Variants in AP3B2 observed in about 807,000 individuals in gnomAD.
AP3B2 encodes AP-3 complex subunit beta-2.
In AP3B2, 50 loss-of-function variants were observed where a neutral mutation model predicts 126.9. The ratio of observed to expected loss-of-function variants is 0.39; its 90% CI spans 0.31 to 0.50. The LOEUF (loss-of-function observed/expected upper bound fraction) is 0.50, where lower values mean the gene tolerates loss of function less well. Among genes scored for constraint, AP3B2 ranks in the 20% least tolerant of loss-of-function variants. AP3B2 has a pLI of 0.79. For missense variants in AP3B2, 1,177 were observed against 1,426.4 expected (o/e 0.83, Z 2.82); for synonymous variants, 541 against 565.0 (o/e 0.96, Z 0.60).
At chr15:82,692,066 T>C (rs1332770503) in intron 1 of AP3B2, 4 of 1,491,466 alleles carry the variant, frequency 2.7e-6, no homozygotes, top group East Asian at 2.3e-5. Context: ...TCAGATCTTC[T>C]TGCAGAAGGC....
chr15:82,696,773 G>A (rs1263564412), intron 1 of AP3B2, among the ~76,000 whole-genome samples: 4 of 152,138 alleles, frequency 2.6e-5, no homozygotes, highest in Admixed American at 2.0e-4. Flanking sequence ...TGAACAATGT[G>A]GCTAACCATA....
Position 82,709,660 on chromosome 15 carries a change from C to T in AP3B2, c.47G>A (p.Gly16Asp). The T allele has an allele frequency of 6.6e-7, 1 of 1,512,414 alleles. No homozygotes were observed. Among genetic ancestry groups the T allele is most frequent in the South Asian group, 1.2e-5 (1 of 81,076 alleles). 93.7% of individuals were successfully genotyped at this position (1,512,414 alleles called of 1,614,324 possible). ...AYSEDKGGSAGPGEPEYGHDP... is the reference protein window; with the variant it reads ...AYSEDKGGSADPGEPEYGHDP... Reference sequence around the variant, plus strand: ...GTGGCCGTACTCGGGCTCCCCGGGGCCAGCGGAGCCGCCCTTGTCTTCGCT... The same window carrying T: ...GTGGCCGTACTCGGGCTCCCCGGGGTCAGCGGAGCCGCCCTTGTCTTCGCT... The change falls in exon 1 of 27, where the codon GGC (glycine) becomes GAC (aspartate). Residue 16 changes from glycine to aspartate, a missense_variant. Around this residue, in one of 5 missense-constraint regions of AP3B2, gnomAD observed 49 missense variants for 39.3 expected, o/e 1.25. Transcript: ENST00000535359.
intron 2 of AP3B2, 53 bp downstream of exon 2, chr15:82,689,325 C>T: frequency 1.2e-6 from 2 of 1,612,216 alleles, no homozygotes; most frequent in South Asian, 1.1e-5. Flanking sequence ...AGGAGAGCTG[C>T]TCTTGGCCAC....
intron 1 of AP3B2, among the ~76,000 whole-genome samples, chr15:82,705,755 A>C (rs1237727201): frequency 6.6e-6 from 1 of 152,082 alleles, no homozygotes; most frequent in Non-Finnish European, 1.5e-5. Flanking sequence ...CCGAACCCCA[A>C]TCCCTTCTAC....
chr15:82,670,119 G>C (rs1035019534), intron 14 of AP3B2, among the ~76,000 whole-genome samples: 1 of 135,552 alleles, frequency 7.4e-6, no homozygotes, highest in Non-Finnish European at 1.6e-5. Flanking sequence ...TTTTGGCGGG[G>C]GGGGACGAAG....
chr15:82,664,432 C>G lies in AP3B2; in HGVS notation c.2196G>C (p.Glu732Asp). The G allele has an allele frequency of 1.9e-6, 3 of 1,613,988 alleles. No individual in the cohort carries two copies. Among genetic ancestry groups the G allele is most frequent in the Non-Finnish European group, 2.5e-6 (3 of 1,179,880 alleles). The part of the protein sequence containing the change: ...SKSSSESGSG[E>D]SSSESDNEDQ... The stretch of plus-strand genomic sequence containing the variant: ...CTTCATTGTCGGACTCACTGCTGGA[C>G]TCCCCAGAGCCGCTCTCACTGCTGC... Residue 732 changes from glutamate to aspartate, a missense_variant, in exon 19 of 27, where the codon GAG becomes GAC. By Grantham distance (45) the Glu-to-Asp change is conservative. Around this residue, in one of 5 missense-constraint regions of AP3B2, gnomAD observed 587 missense variants for 571.3 expected, o/e 1.03. Transcript: ENST00000535359. This position sits in a 1 kb window ranked among gnomAD's most constrained non-coding sequence, Gnocchi z 4.5.
At chr15:82,675,627 C>T (rs1043926506) in intron 14 of AP3B2, among the ~76,000 whole-genome samples, 1 of 152,200 alleles carries the variant, frequency 6.6e-6, no homozygotes, top group African/African-American at 2.4e-5. Flanking sequence ...GTGGGCAATA[C>T]AGTCTGTTGC....
chr15:82,682,197 G>A (rs1449121006), intron 4 of AP3B2, among the ~76,000 whole-genome samples: 2 of 151,552 alleles, frequency 1.3e-5, no homozygotes, highest in South Asian at 2.1e-4. Context: ...GACTACAGGC[G>A]CGCACCACCA....
intron 1 of AP3B2, chr15:82,692,169 C>T: frequency 6.8e-7 from 1 of 1,479,076 alleles, no homozygotes; most frequent in Non-Finnish European, 9.3e-7. Context: ...ATAACTATTT[C>T]TTCCATAAAT....
chr15:82,699,857 G>A (rs2048690944), intron 1 of AP3B2: 2 of 399,732 alleles, frequency 5.0e-6, no homozygotes, highest in South Asian at 1.3e-4. Flanking sequence ...GCCCCCGGGA[G>A]CTGCAGGAAT....
At chr15:82,688,582 G>T in intron 4 of AP3B2, 154 bp downstream of exon 4, 1 of 742,164 alleles carries the variant, frequency 1.3e-6, no homozygotes, top group Non-Finnish European at 2.4e-6. Flanking sequence ...TGAGGGTCTG[G>T]CTGGCCTCTT....
intron 4 of AP3B2, among the ~76,000 whole-genome samples, chr15:82,683,047 GTTTTTTTTTTTTT>G (rs61213011): frequency 1.4e-4 from 11 of 77,716 alleles, no homozygotes; most frequent in Admixed American, 5.3e-4. Flanking sequence ...TGCACCAGGA[GTTTTTTTTTTTTT>G]TTTTTTTTTT....
Position 82,665,075 on chromosome 15 carries a change from G to T in AP3B2, c.2029-132C>A. The T allele has an allele frequency of 9.7e-7, 1 of 1,032,874 alleles. No individual in the cohort carries two copies. The highest frequency in any genetic ancestry group is 1.4e-6 in the Non-Finnish European group (1 of 694,742). 64.0% of individuals were successfully genotyped at this position (1,032,874 alleles called of 1,614,324 possible). ...TCTGTCCCACAAAGGGAATAACAGAGGAGGAAGAAAGGGGCACTGTCCATG... is the reference window on the plus strand; with the variant it reads ...TCTGTCCCACAAAGGGAATAACAGATGAGGAAGAAAGGGGCACTGTCCATG... On this transcript the variant is annotated intron_variant, in intron 17 of 26. Coordinates refer to ENST00000535359, the MANE Select transcript of AP3B2 (RefSeq NM_001278512.2). The surrounding 1 kb of genome is among the most constrained non-coding windows in gnomAD (Gnocchi z 4.4).
At chr15:82,693,636 AGGAAG>A (rs1463555336) in intron 1 of AP3B2, among the ~76,000 whole-genome samples, 1 of 108,552 alleles carries the variant, frequency 9.2e-6, no homozygotes, top group Non-Finnish European at 2.3e-5. Flanking sequence ...ATACAAAAGA[AGGAAG>A]GGAAGATTTT....
intron 14 of AP3B2, among the ~76,000 whole-genome samples, chr15:82,672,551 A>G (rs2048175286): frequency 6.6e-6 from 1 of 152,184 alleles, no homozygotes; most frequent in African/African-American, 2.4e-5. Context: ...TTGACAGCAC[A>G]ACAGGGTGAC....
At chr15:82,700,370 T>C (rs894761932) in intron 1 of AP3B2, among the ~76,000 whole-genome samples, 33 of 137,146 alleles carry the variant, frequency 2.4e-4, no homozygotes, top group Non-Finnish European at 4.8e-4. Context: ...TGGTCTCCAA[T>C]GCCACTGGCC....
chr15:82,686,512 TG>T lies in AP3B2; in HGVS notation c.360+2223del, dbSNP rs1252402024. On this transcript the variant is annotated intron_variant, in intron 4 of 26. Coordinates refer to ENST00000535359, the MANE Select transcript of AP3B2 (RefSeq NM_001278512.2). ...TAGCACAGGAATAAATACATACCTA[TG>T]AATGATAAACAAGAGAAGATATATA... The T allele has an allele frequency of 6.6e-5, 10 of 152,364 alleles. No individual in the cohort carries two copies. In the East Asian group the frequency reaches 1.9e-3, roughly 29 times the overall value. The allele number at this position is 152,364 out of a possible 1,614,324, so 9.4% of individuals were successfully genotyped here.
chr15:82,681,105 C>G lies in AP3B2; in HGVS notation c.588+7G>C. ...CCACCCCTCCCGGAGCGCCCCTATA[C>G]ACGCACCGTGGTCTTGTCAGCCAGA... On this transcript the variant is annotated splice_region_variant and intron_variant, in intron 6 of 26. Transcript: ENST00000535359. The surrounding 1 kb of genome is among the most constrained non-coding windows in gnomAD (Gnocchi z 4.0). The G allele has an allele frequency of 1.9e-6, 3 of 1,613,600 alleles. No individual in the cohort carries two copies. The highest frequency in any genetic ancestry group is 1.7e-6 in the Non-Finnish European group (2 of 1,179,736).
chr15:82,679,448 A>G (rs1289334744), intron 10 of AP3B2, among the ~76,000 whole-genome samples: 1 of 152,212 alleles, frequency 6.6e-6, no homozygotes, highest in African/African-American at 2.4e-5. Flanking sequence ...TAAAAGGAAT[A>G]TAATGTACAC....
Sources: gnomAD v4.1 joint callset for allele counts (sites outside exome capture counted in the v4.1 genomes callset) on GRCh38, gnomAD v4.1.1 for gene constraint, gnomAD v4.1.1 regional missense constraint, Gnocchi (gnomAD v3.1) non-coding constraint, MANE v1.5 for transcripts, NCBI Gene and HGNC (gene_info 2026-07-23, HGNC 2026-07-21) for gene names.